The following DYSF variants were observed in gnomAD, a reference collection of about 807,000 sequenced individuals.
DYSF encodes the protein dystrophy-associated fer-1-like 1.
In DYSF, 212 loss-of-function variants were observed where a neutral mutation model predicts 274.9. That is an observed-to-expected ratio of 0.77 (90% CI 0.69 to 0.86). The LOEUF is 0.86. Among genes scored for constraint, DYSF ranks in the 40% least tolerant of loss-of-function variants. DYSF has a pLI of 0.00. For missense variants in DYSF, 2,666 were observed against 2,783.2 expected (o/e 0.96, Z 0.95); for synonymous variants, 1,091 against 1,078.7 (o/e 1.01, Z -0.22).
At chr2:71,601,274 T>C (rs2093543932) in intron 34 of DYSF, 3 of 643,730 alleles carry the variant, frequency 4.7e-6, no homozygotes, top group Non-Finnish European at 5.5e-6. Flanking sequence ...TTCCTCTTAG[T>C]ATGATGTGAA....
At chr2:71,623,216 G>A (rs532703252) in intron 41 of DYSF, among the ~76,000 whole-genome samples, 34 of 151,754 alleles carry the variant, frequency 2.2e-4, no homozygotes, top group African/African-American at 8.0e-4. Context: ...GGGTACATGT[G>A]CACATTGTGC....
chr2:71,629,766 T>C (rs2094281524), intron 41 of DYSF, among the ~76,000 whole-genome samples: 1 of 152,226 alleles, frequency 6.6e-6, no homozygotes, highest in South Asian at 2.1e-4. Context: ...ATTTTAGAAA[T>C]ATCTTTTCTG....
chr2:71,568,109 G>C, intron 25 of DYSF, 27 bp downstream of exon 25: 1 of 1,614,078 alleles, frequency 6.2e-7, no homozygotes, highest in Non-Finnish European at 8.5e-7. Flanking sequence ...CCCCACCTCT[G>C]CCTCCCACTA....
chr2:71,556,092 CT>C lies in DYSF; in HGVS notation c.2216+22del, dbSNP rs764316144. On this transcript the variant is annotated intron_variant, in intron 22 of 55. Transcript: ENST00000410020. ...TGCAGGTAGGGGGGACCTGGCGCCC[CT>C]GGTGCCCACCTCTCCTGGCTCAACT... The C allele has an allele frequency of 3.2e-6, 5 of 1,542,828 alleles. No individual in the cohort carries two copies. In the African/African-American group the frequency reaches 4.1e-5, roughly 13 times the overall value.
At chr2:71,632,104 G>A (rs2094324776) in intron 41 of DYSF, among the ~76,000 whole-genome samples, 2 of 152,098 alleles carry the variant, frequency 1.3e-5, no homozygotes, top group Non-Finnish European at 2.9e-5. Flanking sequence ...TACAGCATAG[G>A]CAACTGTCTC....
intron 41 of DYSF, among the ~76,000 whole-genome samples, chr2:71,632,875 A>G (rs1305938409): frequency 5.3e-5 from 8 of 152,318 alleles, no homozygotes; most frequent in South Asian, 2.1e-4. Flanking sequence ...CATCTGGTGG[A>G]GCAGGCCAAT....
intron 16 of DYSF, 99 bp downstream of exon 16, chr2:71,535,410 G>A: frequency 7.7e-7 from 1 of 1,291,224 alleles, no homozygotes; most frequent in Non-Finnish European, 1.1e-6. Context: ...AAGAGTGTGA[G>A]GGAGAAGTTT....
At chr2:71,488,641 C>G (rs2083552665) in intron 3 of DYSF, among the ~76,000 whole-genome samples, 1 of 152,188 alleles carries the variant, frequency 6.6e-6, no homozygotes, top group Admixed American at 6.5e-5. Flanking sequence ...GGTCACTCTA[C>G]CCTCCAGCCT....
At chr2:71,513,036 G>A (rs1017407558) in intron 5 of DYSF, among the ~76,000 whole-genome samples, 1 of 152,176 alleles carries the variant, frequency 6.6e-6, no homozygotes, top group Non-Finnish European at 1.5e-5. Context: ...GTTAGGTGCA[G>A]GCCAATCAGT....
intron 55 of DYSF, among the ~76,000 whole-genome samples, chr2:71,683,728 G>C (rs2095323731): frequency 6.6e-6 from 1 of 152,204 alleles, no homozygotes; most frequent in Non-Finnish European, 1.5e-5. Context: ...TCAGCACCAG[G>C]CCACTGGCCC....
Position 71,482,812 on chromosome 2 carries a change from G to A in DYSF, c.239+842G>A, listed in dbSNP as rs141478206. Among the ~76,000 whole-genome samples the A allele has an allele frequency of 4.6e-3, 704 of 152,258 alleles. 5 individuals are homozygous for A. Among genetic ancestry groups the A allele is most frequent in the African/African-American group, 0.016 (677 of 41,546 alleles). On this transcript the variant is annotated intron_variant, in intron 3 of 55. Transcript: ENST00000410020. ...ATGAGAGGAGGCAGCTGCGTTAGAT[G>A]CCAGCAGGAGTGGGTTCGTGCTTCA...
intron 42 of DYSF, among the ~76,000 whole-genome samples, chr2:71,648,569 G>C (rs902618690): frequency 1.3e-5 from 2 of 152,018 alleles, no homozygotes; most frequent in Non-Finnish European, 2.9e-5. Context: ...AAACCATAAT[G>C]GTTTAATAAA....
intron 52 of DYSF, among the ~76,000 whole-genome samples, chr2:71,675,916 T>C (rs114295396): frequency 0.02 from 3,115 of 152,274 alleles, 114 homozygotes; most frequent in African/African-American, 0.072. Context: ...GGATTTCTAT[T>C]ACACAGACTG....
chr2:71,636,402 G>A (rs2094403266), intron 41 of DYSF, among the ~76,000 whole-genome samples: 1 of 152,138 alleles, frequency 6.6e-6, no homozygotes, highest in African/African-American at 2.4e-5. Flanking sequence ...GAGTGGTCTG[G>A]TTCTGAGTAT....
chr2:71,581,311 G>A (rs2092889584), intron 30 of DYSF, among the ~76,000 whole-genome samples: 1 of 152,220 alleles, frequency 6.6e-6, no homozygotes, highest in Non-Finnish European at 1.5e-5. Flanking sequence ...GTTTTGCAAG[G>A]AGTTTAGCAG....
At chr2:71,555,086 C>T (rs1204956957) in intron 21 of DYSF, among the ~76,000 whole-genome samples, 2 of 152,032 alleles carry the variant, frequency 1.3e-5, no homozygotes, top group African/African-American at 4.8e-5. Flanking sequence ...GAAAGGTGGA[C>T]AGAGAAGGGA....
chr2:71,491,791 G>C (rs147386031), intron 3 of DYSF, among the ~76,000 whole-genome samples: 5 of 152,236 alleles, frequency 3.3e-5, no homozygotes, highest in African/African-American at 1.2e-4. Context: ...TATGTATCAC[G>C]TTTTCTTTAT....
rs934062 is a variant in DYSF, at chr2:71,598,947, T to C, written c.3756+202T>C. On this transcript the variant is annotated intron_variant, in intron 33 of 55. Coordinates refer to ENST00000410020, the MANE Select transcript of DYSF (RefSeq NM_001130987.2). ...TCCCACAGCAGACATTGCTCATCAGTGGAAGGGAACATATCCGGAAAAGGC... is the reference window on the plus strand; with the variant it reads ...TCCCACAGCAGACATTGCTCATCAGCGGAAGGGAACATATCCGGAAAAGGC... 0.24 allele frequency among the ~76,000 whole-genome samples: 37,156 copies of C among 152,228 alleles called. 5,593 individuals are homozygous for C. The highest frequency in any genetic ancestry group is 0.39 in the South Asian group (1,875 of 4,816).
At chr2:71,546,620 G>A (rs984315186) in intron 17 of DYSF, among the ~76,000 whole-genome samples, 14 of 152,246 alleles carry the variant, frequency 9.2e-5, no homozygotes, top group African/African-American at 3.4e-4. Flanking sequence ...CGTGAGCTCT[G>A]TGAAACATAC....
Sources: allele counts gnomAD v4.1 joint callset (sites outside exome capture counted in the v4.1 genomes callset), GRCh38; gene constraint gnomAD v4.1.1; transcripts MANE v1.5; gene names NCBI Gene and HGNC (gene_info 2026-07-23, HGNC 2026-07-21).